CSTPP1: variants seen among roughly 807,000 people sequenced by gnomAD.
The protein encoded by CSTPP1 is centriolar satellite-associated tubulin polyglutamylase complex regulator 1.
At chr11:47,139,002 A>C in the CSTPP1 span, among the ~76,000 whole-genome samples, 48 of 150,376 alleles carry the variant, frequency 3.2e-4, no homozygotes, top group African/African-American at 1.2e-3. Flanking sequence ...AAAAAAAAAA[A>C]AAAAAAAAAA....
chr11:47,041,234 G>C, the CSTPP1 span: 3 of 228,714 alleles, frequency 1.3e-5, 1 homozygote, highest in East Asian at 3.2e-4. Context: ...AGAGAAGCTG[G>C]GTGATGATGA....
chr11:47,163,634 G>GTA, the CSTPP1 span, among the ~76,000 whole-genome samples: 2 of 152,100 alleles, frequency 1.3e-5, no homozygotes, highest in Non-Finnish European at 2.9e-5. Context: ...GTGTGTGTAT[G>GTA]TATATATATG....
chr11:47,030,383 C>T, the CSTPP1 span, among the ~76,000 whole-genome samples: 2 of 152,134 alleles, frequency 1.3e-5, no homozygotes, highest in African/African-American at 4.8e-5. Flanking sequence ...GAAGTTTTGC[C>T]TCTTTGCACA....
the CSTPP1 span, among the ~76,000 whole-genome samples, chr11:46,989,438 A>G: frequency 3.9e-5 from 6 of 152,130 alleles, no homozygotes; most frequent in African/African-American, 1.4e-4. Flanking sequence ...CTGGGACTAC[A>G]GGTATGTACT....
At chr11:47,051,959 T>A in the CSTPP1 span, 1 of 152,682 alleles carries the variant, frequency 6.5e-6, no homozygotes. Context: ...CCCAAAGTGC[T>A]GGGATTACAG....
chr11:47,029,041 C>A, the CSTPP1 span, among the ~76,000 whole-genome samples: 1 of 151,362 alleles, frequency 6.6e-6, no homozygotes, highest in African/African-American at 2.4e-5. Flanking sequence ...GACGGGATTT[C>A]ACTATGTTGC....
chr11:47,113,965 G>A, the CSTPP1 span, among the ~76,000 whole-genome samples: 1 of 152,168 alleles, frequency 6.6e-6, no homozygotes, highest in Non-Finnish European at 1.5e-5. Context: ...TTCTTCTAAG[G>A]TTTTTATGGT....
At chr11:47,032,852 C>T in the CSTPP1 span, among the ~76,000 whole-genome samples, 2 of 152,006 alleles carry the variant, frequency 1.3e-5, no homozygotes, top group South Asian at 4.2e-4. Context: ...GTCTAAAATC[C>T]ACATATAATT....
chr11:46,989,508 C>T, the CSTPP1 span, among the ~76,000 whole-genome samples: 1 of 152,092 alleles, frequency 6.6e-6, no homozygotes, highest in Non-Finnish European at 1.5e-5. Context: ...AGTATGTTGA[C>T]CAGGCTGGTT....
chr11:47,006,795 T>C, the CSTPP1 span, among the ~76,000 whole-genome samples: 6 of 150,188 alleles, frequency 4.0e-5, no homozygotes, highest in Admixed American at 2.0e-4. Context: ...TCTTGCCATC[T>C]TGCCCAGACT....
chr11:46,955,655 G>A, the CSTPP1 span, among the ~76,000 whole-genome samples: 7 of 151,914 alleles, frequency 4.6e-5, no homozygotes, highest in South Asian at 4.2e-4. Flanking sequence ...GAGCCACTGC[G>A]CCCAGGCTAC....
At chr11:47,153,310 C>T in the CSTPP1 span, among the ~76,000 whole-genome samples, 2 of 152,186 alleles carry the variant, frequency 1.3e-5, no homozygotes, top group Admixed American at 1.3e-4. Flanking sequence ...CTTCTTCCCG[C>T]CCTCCAGCCT....
chr11:47,060,957 G>A, the CSTPP1 span, among the ~76,000 whole-genome samples: 18 of 152,326 alleles, frequency 1.2e-4, no homozygotes, highest in Non-Finnish European at 1.5e-4. Flanking sequence ...CCATGAAAAT[G>A]AAGAGCTATT....
the CSTPP1 span, among the ~76,000 whole-genome samples, chr11:47,149,884 G>A: frequency 6.6e-6 from 1 of 151,800 alleles, no homozygotes; most frequent in Non-Finnish European, 1.5e-5. Flanking sequence ...TCAAACTTCT[G>A]CTTGAACATT....
the CSTPP1 span, among the ~76,000 whole-genome samples, chr11:47,067,142 T>C: frequency 6.6e-6 from 1 of 152,226 alleles, no homozygotes; most frequent in Non-Finnish European, 1.5e-5. Flanking sequence ...TAGATTTGTT[T>C]TTAACATTTT....
the CSTPP1 span, among the ~76,000 whole-genome samples, chr11:47,107,136 A>C: frequency 6.6e-6 from 1 of 152,188 alleles, no homozygotes; most frequent in African/African-American, 2.4e-5. Flanking sequence ...GGATGTTTGC[A>C]AGAGCCAAGG....
the CSTPP1 span, among the ~76,000 whole-genome samples, chr11:46,970,756 A>AAT: frequency 6.6e-6 from 1 of 152,158 alleles, no homozygotes; most frequent in Non-Finnish European, 1.5e-5. Flanking sequence ...TGTACAGAAA[A>AAT]TAAATGACAC....
the CSTPP1 span, among the ~76,000 whole-genome samples, chr11:47,117,492 G>C: frequency 6.6e-6 from 1 of 152,206 alleles, no homozygotes; most frequent in Admixed American, 6.5e-5. Flanking sequence ...TTTCTGCCGA[G>C]AGATCCACTG....
chr11:47,131,010 A>G, the CSTPP1 span, among the ~76,000 whole-genome samples: 2 of 152,236 alleles, frequency 1.3e-5, no homozygotes, highest in Non-Finnish European at 2.9e-5. Context: ...CATGGCTTGT[A>G]GCATTTCATT....
Sources: allele counts gnomAD v4.1 joint callset (sites outside exome capture counted in the v4.1 genomes callset), GRCh38; gene constraint gnomAD v4.1.1; transcripts MANE v1.5; gene names NCBI Gene and HGNC (gene_info 2026-07-23, HGNC 2026-07-21).